Variants in ZMAT5 observed in about 807,000 individuals in gnomAD.
ZMAT5 encodes the protein zinc finger matrin-type 5, also known as zinc finger matrin-type protein 5.
ZMAT5 carries 23 observed loss-of-function variants against 28.0 expected under a neutral mutation model. That is an observed-to-expected ratio of 0.82 (90% CI 0.59 to 1.16). The LOEUF is 1.16. Ranked by LOEUF, ZMAT5 falls within the 50% of genes most tolerant of loss-of-function variation. The probability of loss-of-function intolerance (pLI) is 0.00; values close to 1 mark genes in which losing one functional copy is unlikely to be tolerated. For missense variants in ZMAT5, 173 were observed against 212.7 expected, an observed-to-expected ratio of 0.81 and a Z score of 1.16; for synonymous variants, 76 against 84.1, an observed-to-expected ratio of 0.90 and a Z score of 0.52.
rs1212488146 is a variant in ZMAT5, at chr22:29,748,380, G to C, written c.127+38C>G. 21 of 1,613,860 alleles carry C rather than the reference G, an allele frequency of 1.3e-5. No homozygotes were observed. In the Admixed American group the frequency reaches 2.5e-4, roughly 19 times the overall value. ...TGATGATAAGAAAGATCAGAGAGCA[G>C]GGCTCCAGGAGCCTGGCCCCCAGCC... is the stretch of plus-strand genomic sequence containing the variant. On this transcript the variant is annotated intron_variant, in intron 2 of 5. Coordinates refer to ENST00000344318, the MANE Select transcript of ZMAT5 (RefSeq NM_001003692.2).
chr22:29,745,114 C>T (rs146101318), intron 2 of ZMAT5, among the ~76,000 whole-genome samples: 2 of 152,368 alleles, frequency 1.3e-5, no homozygotes, highest in East Asian at 3.9e-4. Context: ...GTCCTTCCTT[C>T]TGGTCCAACA....
intron 5 of ZMAT5, among the ~76,000 whole-genome samples, chr22:29,738,017 A>T (rs912570079): frequency 6.6e-6 from 1 of 151,932 alleles, no homozygotes; most frequent in Non-Finnish European, 1.5e-5. Context: ...GTGCATGGTG[A>T]CCACAGCCCA....
At position 29,766,903 on chromosome 22, in the gene ZMAT5, G is replaced by C. The variant is rs2068219635; in HGVS notation, c.-59C>G. ...GGAAGTGTTCAAGTCTTCCAGTGCG[G>C]AGAAAAGAGACTAGGACTCGCCCCT... On this transcript the variant is annotated 5_prime_UTR_variant, in exon 1 of 6. Transcript: ENST00000344318. The C allele has an allele frequency of 6.5e-6, 1 of 154,816 alleles. No individual in the cohort carries two copies. Among genetic ancestry groups the C allele is most frequent in the Admixed American group, 6.4e-5 (1 of 15,534 alleles). The allele number at this position is 154,816 out of a possible 1,614,324, so 9.6% of individuals were successfully genotyped here.
intron 5 of ZMAT5, 91 bp from the exon 6 acceptor site, chr22:29,731,445 G>T: frequency 6.8e-7 from 1 of 1,480,378 alleles, no homozygotes; most frequent in Non-Finnish European, 8.9e-7. Flanking sequence ...CACCCTGGCT[G>T]TGGGGAGGGT....
chr22:29,740,082 T>C (rs1188363058), intron 4 of ZMAT5, among the ~76,000 whole-genome samples: 1 of 152,152 alleles, frequency 6.6e-6, no homozygotes, highest in East Asian at 1.9e-4. Flanking sequence ...ACCTGTTCAG[T>C]GAGAGGCTGT....
At chr22:29,739,254 G>A (rs991802762) in intron 4 of ZMAT5, among the ~76,000 whole-genome samples, 2 of 152,346 alleles carry the variant, frequency 1.3e-5, no homozygotes. Context: ...AGCTGGGTGT[G>A]AGCGTTTGAT....
rs150350688 is a variant in ZMAT5, at chr22:29,749,996, A to C, written c.-27-1425T>G. On this transcript the variant is annotated intron_variant, in intron 1 of 5. Transcript: ENST00000344318. Reference sequence around the variant, plus strand: ...CCAGTCTTGGGTATTTCCTTATAGCAATGTGAGAACGGACTAATACACCCT... The same window carrying C: ...CCAGTCTTGGGTATTTCCTTATAGCCATGTGAGAACGGACTAATACACCCT... Among the ~76,000 whole-genome samples, 51 of 152,284 alleles carry C rather than the reference A, an allele frequency of 3.3e-4. No individual in the cohort carries two copies. In the East Asian group the frequency reaches 9.5e-3, roughly 28 times the overall value.
intron 1 of ZMAT5, among the ~76,000 whole-genome samples, chr22:29,758,297 T>C (rs1416753617): frequency 1.3e-5 from 2 of 152,134 alleles, no homozygotes; most frequent in South Asian, 2.1e-4. Flanking sequence ...TTCCTGACCC[T>C]AGAAACAGTA....
intron 2 of ZMAT5, chr22:29,748,020 C>G: frequency 3.4e-6 from 1 of 293,742 alleles, no homozygotes; most frequent in Non-Finnish European, 6.8e-6. Context: ...GCCCCAGAGC[C>G]AGCTTGAGCC....
chr22:29,754,097 G>T (rs747104386), intron 1 of ZMAT5, among the ~76,000 whole-genome samples: 24 of 152,148 alleles, frequency 1.6e-4, no homozygotes, highest in Non-Finnish European at 2.6e-4. Context: ...CCGAGGAGGG[G>T]TCAGGGACAG....
At chr22:29,754,734 C>T (rs1001128749) in intron 1 of ZMAT5, among the ~76,000 whole-genome samples, 2 of 151,894 alleles carry the variant, frequency 1.3e-5, no homozygotes, top group African/African-American at 2.4e-5. Flanking sequence ...ATTAGGCAGG[C>T]ATGGTGGTAC....
At position 29,731,200 on chromosome 22, in the gene ZMAT5, T is replaced by TG. The variant is rs776032024; in HGVS notation, c.*24dup. The TG allele has an allele frequency of 1.2e-5, 17 of 1,473,380 alleles. No homozygotes were observed. The East Asian group carries it at 4.1e-4, about 36-fold the overall frequency. The allele number at this position is 1,473,380 out of a possible 1,614,324, so 91.3% of individuals were successfully genotyped here. On this transcript the variant is annotated 3_prime_UTR_variant, in exon 6 of 6. Coordinates refer to ENST00000344318, the MANE Select transcript of ZMAT5 (RefSeq NM_001003692.2). ...GTGACTGATGAGAAAAGTGACCACGTGGGGGTCAGTCGGGGGCAAGGGGCT... is the reference window on the plus strand; with the variant it reads ...GTGACTGATGAGAAAAGTGACCACGTGGGGGGTCAGTCGGGGGCAAGGGGCT...
intron 2 of ZMAT5, 45 bp downstream of exon 2, chr22:29,748,373 G>C: frequency 6.2e-7 from 1 of 1,613,680 alleles, no homozygotes; most frequent in Non-Finnish European, 8.5e-7. Flanking sequence ...AGAAAGATCA[G>C]AGAGCAGGGC....
intron 1 of ZMAT5, among the ~76,000 whole-genome samples, chr22:29,758,270 G>A (rs947337253): frequency 1.1e-4 from 16 of 152,176 alleles, no homozygotes; most frequent in African/African-American, 3.4e-4. Flanking sequence ...GAACCACTCA[G>A]CTAAGCAGCG....
intron 2 of ZMAT5, chr22:29,747,907 C>T (rs1447639365): frequency 9.5e-6 from 2 of 210,598 alleles, no homozygotes; most frequent in Admixed American, 1.0e-4. Flanking sequence ...GGTCTGGCCA[C>T]GGCAGCTAAA....
intron 1 of ZMAT5, among the ~76,000 whole-genome samples, chr22:29,753,394 G>A (rs574028335): frequency 1.1e-4 from 17 of 152,288 alleles, no homozygotes; most frequent in African/African-American, 4.1e-4. Flanking sequence ...GCATAGTGGC[G>A]TGTGCCTGTA....
rs370561461 is a variant in ZMAT5 at position 29,755,984 on chromosome 22, G to A, written c.-27-7413C>T. Reference sequence around the variant, plus strand: ...AGGCTGCTACAGGGCAAACATTTGCGCTTCATCAATATTCTCCATTCCTTT... The same window carrying A: ...AGGCTGCTACAGGGCAAACATTTGCACTTCATCAATATTCTCCATTCCTTT... On this transcript the variant is annotated intron_variant, in intron 1 of 5. Transcript: ENST00000344318. Among the ~76,000 whole-genome samples the A allele has an allele frequency of 6.6e-5, 10 of 152,378 alleles. No individual in the cohort carries two copies. In the South Asian group the frequency reaches 1.2e-3, roughly 19 times the overall value.
chr22:29,732,446 C>T (rs114652624), intron 5 of ZMAT5, among the ~76,000 whole-genome samples: 2,068 of 152,210 alleles, frequency 0.014, 36 homozygotes, highest in African/African-American at 0.046. Flanking sequence ...ATTAAGTACA[C>T]GTGCACATTG....
chr22:29,752,564 C>T (rs2068064321), intron 1 of ZMAT5, among the ~76,000 whole-genome samples: 1 of 152,192 alleles, frequency 6.6e-6, no homozygotes, highest in Non-Finnish European at 1.5e-5. Context: ...AGCTCTGCCA[C>T]GTGGCTCAGT....
Sources: gnomAD v4.1 joint callset for allele counts (sites outside exome capture counted in the v4.1 genomes callset) on GRCh38, gnomAD v4.1.1 for gene constraint, MANE v1.5 for transcripts, NCBI Gene and HGNC (gene_info 2026-07-23, HGNC 2026-07-21) for gene names.